The following EVC2 variants were observed in gnomAD, a reference collection of about 807,000 sequenced individuals.
EVC2 encodes EvC ciliary complex subunit 2.
Under a neutral mutation model 149.3 loss-of-function variants are expected in EVC2, and 148 were observed. The observed-to-expected ratio is 0.99, with a 90% CI of 0.87 to 1.14. EVC2 has a LOEUF of 1.14. Among genes scored for constraint, EVC2 ranks in the 50% most tolerant of loss-of-function variants. The probability of loss-of-function intolerance (pLI) is 0.00; values close to 1 mark genes in which losing one functional copy is unlikely to be tolerated. For missense variants in EVC2, 1,854 were observed against 1,627.3 expected (o/e 1.14, Z -2.40); for synonymous variants, 776 against 649.9 (o/e 1.19, Z -2.95).
At position 5,622,580 on chromosome 4, in the gene EVC2, C is replaced by CT. The variant is rs780068552; in HGVS notation, c.2457dup (p.Glu820ArgfsTer26). On this transcript the variant is annotated frameshift_variant, in exon 14 of 22. Transcript: ENST00000344408. LOFTEE classifies it high-confidence loss of function. The surrounding 1 kb of genome is among the most constrained non-coding windows in gnomAD (Gnocchi z 5.8). ...CAGCGTCGCAGCTCTGCCTGCTCCT[C>CT]TGTCACGGCCTCAGGAGCGTCATCC... The CT allele has an allele frequency of 1.2e-6, 2 of 1,614,070 alleles. No individual in the cohort carries two copies. Among genetic ancestry groups the CT allele is most frequent in the Non-Finnish European group, 1.7e-6 (2 of 1,179,982 alleles).
At chr4:5,607,703 T>C (rs1390522895) in intron 16 of EVC2, among the ~76,000 whole-genome samples, 1 of 152,146 alleles carries the variant, frequency 6.6e-6, no homozygotes, top group Admixed American at 6.6e-5. Context: ...TCATTCGAGG[T>C]AGAGTTACAG....
At chr4:5,599,014 A>C (rs9685214) in intron 16 of EVC2, among the ~76,000 whole-genome samples, 15,018 of 151,224 alleles carry the variant, frequency 0.099, 1,542 homozygotes, top group African/African-American at 0.25. Context: ...ATCAAAACCA[A>C]AATGAGATAC....
chr4:5,545,236 C>T (rs1297006072), intron 21 of EVC2, among the ~76,000 whole-genome samples: 2 of 152,164 alleles, frequency 1.3e-5, no homozygotes, highest in African/African-American at 2.4e-5. Context: ...TGAATATCTA[C>T]TAGATGCCCA....
At chr4:5,580,144 C>A (rs548465541) in intron 17 of EVC2, among the ~76,000 whole-genome samples, 1 of 152,236 alleles carries the variant, frequency 6.6e-6, no homozygotes, top group Admixed American at 6.5e-5. Flanking sequence ...TTTTTTAATT[C>A]TCCTGAATGT....
intron 21 of EVC2, among the ~76,000 whole-genome samples, chr4:5,544,781 G>A (rs1216117018): frequency 6.6e-6 from 1 of 152,226 alleles, no homozygotes; most frequent in Non-Finnish European, 1.5e-5. Context: ...ACCGTTGGAT[G>A]CTCAGGATTG....
At chr4:5,574,439 C>T (rs1048905109) in intron 19 of EVC2, among the ~76,000 whole-genome samples, 1 of 152,190 alleles carries the variant, frequency 6.6e-6, no homozygotes, top group Non-Finnish European at 1.5e-5. Flanking sequence ...ATTTGGGTGC[C>T]TGCCAAATCA....
chr4:5,655,499 C>T (rs1718460205), intron 9 of EVC2, among the ~76,000 whole-genome samples: 1 of 152,124 alleles, frequency 6.6e-6, no homozygotes, highest in African/African-American at 2.4e-5. Flanking sequence ...GCACACGTTC[C>T]CTCTGCTGGA....
At chr4:5,643,338 T>C (rs1164935432) in intron 9 of EVC2, among the ~76,000 whole-genome samples, 2 of 152,206 alleles carry the variant, frequency 1.3e-5, no homozygotes, top group Admixed American at 6.5e-5. Flanking sequence ...TCTATAAAAA[T>C]AGACCTGGTT....
At chr4:5,591,998 G>A (rs1037124302) in intron 16 of EVC2, among the ~76,000 whole-genome samples, 2 of 152,154 alleles carry the variant, frequency 1.3e-5, no homozygotes, top group Non-Finnish European at 2.9e-5. Flanking sequence ...ATATAATAAA[G>A]TCTACCTGTG....
intron 21 of EVC2, among the ~76,000 whole-genome samples, chr4:5,546,011 G>A (rs1476556134): frequency 1.3e-5 from 2 of 152,116 alleles, no homozygotes; most frequent in African/African-American, 4.8e-5. Context: ...AAACCACAAT[G>A]AGATACCATC....
At chr4:5,572,946 C>G (rs1210930471) in intron 19 of EVC2, among the ~76,000 whole-genome samples, 1 of 152,200 alleles carries the variant, frequency 6.6e-6, no homozygotes, top group African/African-American at 2.4e-5. Context: ...CCAAGCCCCC[C>G]ACGAGCAGTG....
At chr4:5,699,680 A>T (rs10937663) in intron 1 of EVC2, among the ~76,000 whole-genome samples, 1 of 149,574 alleles carries the variant, frequency 6.7e-6, no homozygotes. Context: ...AATTAGCCAG[A>T]TGTAGTGGCA....
intron 3 of EVC2, among the ~76,000 whole-genome samples, chr4:5,693,045 G>A (rs1721234280): frequency 6.6e-6 from 1 of 152,140 alleles, no homozygotes; most frequent in African/African-American, 2.4e-5. Context: ...AAGAGAATTT[G>A]CCAAAGCCCT....
At chr4:5,539,536 T>G (rs559670090), downstream of EVC2, among the ~76,000 whole-genome samples, 12 of 152,242 alleles carry the variant, frequency 7.9e-5, no homozygotes, top group Admixed American at 6.5e-4. Context: ...ATTTAAGACT[T>G]ATCATAAAGC....
intron 20 of EVC2, among the ~76,000 whole-genome samples, chr4:5,566,975 A>G (rs1033213303): frequency 1.3e-5 from 2 of 152,160 alleles, no homozygotes; most frequent in Admixed American, 1.3e-4. Flanking sequence ...AATATTATTA[A>G]TAATAGTAAT....
At position 5,649,270 on chromosome 4, in the gene EVC2, C is replaced by T. The variant is rs1056526619; in HGVS notation, c.1146-8432G>A. Among the ~76,000 whole-genome samples, 6 of 152,200 alleles carry T rather than the reference C, an allele frequency of 3.9e-5. No individual in the cohort carries two copies. In the East Asian group the frequency reaches 1.2e-3, roughly 29 times the overall value. On this transcript the variant is annotated intron_variant, in intron 9 of 21. Transcript: ENST00000344408. Reference sequence around the variant, plus strand: ...TGCTTCAAAGATGAACATATTTTCTCTGGCCAGTTTTGCTACATATGCAAA... The same window carrying T: ...TGCTTCAAAGATGAACATATTTTCTTTGGCCAGTTTTGCTACATATGCAAA...
chr4:5,550,651 G>T (rs530562790), intron 21 of EVC2, among the ~76,000 whole-genome samples: 3 of 152,380 alleles, frequency 2.0e-5, no homozygotes, highest in African/African-American at 4.8e-5. Context: ...GCCAGCTGCA[G>T]AAATTTGCAT....
intron 1 of EVC2, among the ~76,000 whole-genome samples, chr4:5,706,156 C>CGG (rs1256156428): frequency 6.6e-6 from 1 of 151,894 alleles, no homozygotes; most frequent in African/African-American, 2.4e-5. Flanking sequence ...GACTGACCTT[C>CGG]CAGACTAAAT....
At chr4:5,555,432 C>G (rs756209692) in intron 21 of EVC2, among the ~76,000 whole-genome samples, 1 of 152,058 alleles carries the variant, frequency 6.6e-6, no homozygotes, top group African/African-American at 2.4e-5. Flanking sequence ...AAAACAGAGA[C>G]AAGTTAGTTA....
Sources: gnomAD v4.1 joint callset for allele counts (sites outside exome capture counted in the v4.1 genomes callset) on GRCh38, gnomAD v4.1.1 for gene constraint, Gnocchi (gnomAD v3.1) non-coding constraint, MANE v1.5 for transcripts, NCBI Gene and HGNC (gene_info 2026-07-23, HGNC 2026-07-21) for gene names.